The following SOX30 variants were observed in gnomAD, a reference collection of about 807,000 sequenced individuals.
The protein encoded by SOX30 is SRY-box transcription factor 30.
SOX30 carries 17 observed loss-of-function variants against 58.6 expected under a neutral mutation model. The ratio of observed to expected loss-of-function variants is 0.29; its 90% CI spans 0.20 to 0.44. The LOEUF (loss-of-function observed/expected upper bound fraction) is 0.44. Ranked by LOEUF, SOX30 falls within the 20% of genes least tolerant of loss-of-function variation. The probability of loss-of-function intolerance (pLI) is 1.00; values close to 1 mark genes in which losing one functional copy is unlikely to be tolerated. For synonymous variants in SOX30, 421 were observed against 400.2 expected (o/e 1.05, Z -0.62); for missense variants, 951 against 965.8 (o/e 0.98, Z 0.20).
At chr5:157,642,576 A>G (rs750505221) in intron 3 of SOX30, among the ~76,000 whole-genome samples, 9 of 152,152 alleles carry the variant, frequency 5.9e-5, no homozygotes, top group Admixed American at 1.3e-4. Flanking sequence ...TTTACATGAC[A>G]ATGCTAAAAA....
intron 2 of SOX30, among the ~76,000 whole-genome samples, chr5:157,659,704 A>C (rs1210216290): frequency 6.6e-6 from 1 of 152,216 alleles, no homozygotes; most frequent in Non-Finnish European, 1.5e-5. Context: ...GTCAGGCTAC[A>C]GCTTGCTTTT....
chr5:157,639,594 G>A (rs1397516944), intron 3 of SOX30, among the ~76,000 whole-genome samples: 2 of 152,170 alleles, frequency 1.3e-5, no homozygotes, highest in Non-Finnish European at 2.9e-5. Context: ...AACAATTAAT[G>A]TGTTTTAGCT....
intron 2 of SOX30, chr5:157,667,741 A>AATAC (rs761769781): frequency 8.8e-5 from 132 of 1,495,670 alleles, no homozygotes; most frequent in East Asian, 4.0e-4. Flanking sequence ...TCCATCTCAG[A>AATAC]ATACATACAT....
intron 3 of SOX30, among the ~76,000 whole-genome samples, chr5:157,639,204 G>T (rs1245542049): frequency 6.6e-6 from 1 of 152,210 alleles, no homozygotes; most frequent in South Asian, 2.1e-4. Context: ...TCTAAGAGAG[G>T]GGACAGGGCA....
chr5:157,648,691 T>C lies in SOX30; in HGVS notation c.1173A>G (p.Gln391=). The part of the protein sequence containing the change: ...EQKKPYYDEA[Q]KIKEKHREEF... ...CCTCTCTGTGCTTTTCCTTAATCTT[T>C]TGTGCTTCATCGTAATAGGGTTTCT... The change falls in exon 2 of 5, where the codon CAA becomes CAG. Residue 391 remains glutamine (Q), a synonymous_variant. Coordinates refer to ENST00000265007, the MANE Select transcript of SOX30 (RefSeq NM_178424.2). The C allele has an allele frequency of 6.2e-7, 1 of 1,613,910 alleles. No individual in the cohort carries two copies. The highest frequency in any genetic ancestry group is 8.5e-7 in the Non-Finnish European group (1 of 1,179,952).
In SOX30 at chr5:157,626,701, G is replaced by C; in HGVS notation, c.1901C>G (p.Pro634Arg). The change falls in exon 5 of 5, where the codon CCT (proline) becomes CGT (arginine). Residue 634 changes from proline (P) to arginine (R), a missense_variant. Transcript: ENST00000265007. ...CGGAAAATTTCCATAGCCAAAGGGA[G>C]GCCGACTGTAAGGGCATGTACTGCA... ...FPSSTCPYSR[P>R]PFGYGNFPSS... 6.2e-7 allele frequency: 1 copy of C among 1,609,712 alleles called. No individual in the cohort carries two copies. The highest frequency in any genetic ancestry group is 8.5e-7 in the Non-Finnish European group (1 of 1,178,256).
chr5:157,646,761 G>T lies in SOX30; in HGVS notation c.1263C>A (p.Ser421=). Residue 421 remains serine, a synonymous_variant, in exon 3 of 5, where the codon TCC becomes TCA. Coordinates refer to ENST00000265007, the MANE Select transcript of SOX30 (RefSeq NM_178424.2). ...TCTGTGTGGTACCAGAAAATACATT[G>T]GAAACACTTAGAGGGAATCGTTTTC... ...GKRKRFPLSV[S]NVFSGTTQNI... 1 of 1,613,928 alleles carries T rather than the reference G, an allele frequency of 6.2e-7. No homozygotes were observed. Among genetic ancestry groups the T allele is most frequent in the Non-Finnish European group, 8.5e-7 (1 of 1,179,894 alleles).
chr5:157,667,844 C>T, exon 2 of SOX30: 1 of 1,535,620 alleles, frequency 6.5e-7, no homozygotes, highest in Non-Finnish European at 8.7e-7. Context: ...TACAACATTT[C>T]TCCATGACCT....
chr5:157,631,711 G>A (rs1222310687), intron 4 of SOX30, among the ~76,000 whole-genome samples: 2 of 149,744 alleles, frequency 1.3e-5, no homozygotes, highest in African/African-American at 5.0e-5. Flanking sequence ...GTTGCAGTGA[G>A]CCAAGATCGT....
At position 157,648,881 on chromosome 5, in the gene SOX30, G is replaced by A. The variant is rs780316795; in HGVS notation, c.983C>T (p.Pro328Leu). The A allele has an allele frequency of 6.2e-7, 1 of 1,607,878 alleles. No individual in the cohort carries two copies. The highest frequency in any genetic ancestry group is 2.2e-5 in the East Asian group (1 of 44,758). Residue 328 changes from proline to leucine, a missense_variant, in exon 2 of 5, where the codon CCC (proline) becomes CTC (leucine). Around this residue, in one of 7 missense-constraint regions of SOX30, gnomAD observed 60 missense variants for 74.0 expected, o/e 0.81. Transcript: ENST00000265007. ...ATGACCATTTCTGTCCTTACTGAAG[G>A]GAGTATCTGGTATGCCTACATGACA... Reference protein sequence around the residue: ...LPSDAGIPDTPFSKDRNGHVK... With the variant: ...LPSDAGIPDTLFSKDRNGHVK...
chr5:157,626,380 C>G lies in SOX30; in HGVS notation c.2222G>C (p.Ser741Thr), dbSNP rs1561576593. ...SSIQQVNVTDSDEEEEEKVLR... is the reference protein window; with the variant it reads ...SSIQQVNVTDTDEEEEEKVLR... Reference sequence around the variant, plus strand: ...CACTTTTTCTTCTTCCTCCTCATCACTGTCGGTGACATTGACTTGCTGGAT... The same window carrying G: ...CACTTTTTCTTCTTCCTCCTCATCAGTGTCGGTGACATTGACTTGCTGGAT... Residue 741 changes from serine to threonine, a missense_variant, in exon 5 of 5, where the codon AGT becomes ACT. Ser to Thr is a moderately conservative substitution (Grantham distance 58, BLOSUM62 1). Around this residue, in one of 7 missense-constraint regions of SOX30, gnomAD observed 381 missense variants for 390.0 expected, o/e 0.98. Transcript: ENST00000265007. The G allele has an allele frequency of 6.2e-7, 1 of 1,613,718 alleles. No homozygotes were observed. The highest frequency in any genetic ancestry group is 1.3e-5 in the African/African-American group (1 of 75,014).
chr5:157,630,934 A>G (rs1226319736), intron 4 of SOX30, among the ~76,000 whole-genome samples: 1 of 135,206 alleles, frequency 7.4e-6, no homozygotes, highest in Non-Finnish European at 1.5e-5. Context: ...TATATATTAT[A>G]TATATATACT....
At chr5:157,627,078 CAG>C (rs1183628313) in intron 4 of SOX30, among the ~76,000 whole-genome samples, 9 of 152,158 alleles carry the variant, frequency 5.9e-5, no homozygotes, top group Admixed American at 2.0e-4. Flanking sequence ...AATTGACACT[CAG>C]TGGTTGGGCG....
intron 2 of SOX30, among the ~76,000 whole-genome samples, chr5:157,666,533 G>T (rs1006546647): frequency 6.9e-6 from 1 of 144,794 alleles, no homozygotes; most frequent in Non-Finnish European, 1.5e-5. Context: ...ACACACCTCA[G>T]TTCAAATGAA....
At chr5:157,635,559 G>C (rs1002657254) in intron 4 of SOX30, among the ~76,000 whole-genome samples, 2 of 152,238 alleles carry the variant, frequency 1.3e-5, no homozygotes, top group South Asian at 4.1e-4. Context: ...GGAAGGCAGA[G>C]GTTGCAGTGA....
At chr5:157,668,476 T>TCATC (rs1305682342) in intron 1 of SOX30, among the ~76,000 whole-genome samples, 1 of 152,018 alleles carries the variant, frequency 6.6e-6, no homozygotes, top group African/African-American at 2.4e-5. Flanking sequence ...CATATCTGTC[T>TCATC]CATCCATCCA....
upstream of SOX30, among the ~76,000 whole-genome samples, chr5:157,655,214 C>A (rs1401713625): frequency 6.6e-6 from 1 of 152,142 alleles, no homozygotes; most frequent in African/African-American, 2.4e-5. Context: ...CAAAGGCTAA[C>A]TTTGGGTAAG....
At chr5:157,638,764 C>A in intron 3 of SOX30, 42 bp from the exon 4 acceptor site, 1 of 1,534,858 alleles carries the variant, frequency 6.5e-7, no homozygotes, top group South Asian at 1.3e-5. Context: ...TTAACTGAGT[C>A]ATTCCATGTT....
chr5:157,640,728 A>G lies in SOX30; in HGVS notation c.1388-2006T>C, dbSNP rs181116488. Among the ~76,000 whole-genome samples the G allele has an allele frequency of 3.3e-5, 5 of 152,310 alleles. No individual in the cohort carries two copies. The East Asian group carries it at 9.6e-4, about 29-fold the overall frequency. ...TAGAATGACGATCCTAACCCCTAGG[A>G]TTGTAATATTAAAATCTCTAGGATT... On this transcript the variant is annotated intron_variant, in intron 3 of 4. Coordinates refer to ENST00000265007, the MANE Select transcript of SOX30 (RefSeq NM_178424.2).
Sources: gnomAD v4.1 joint callset for allele counts (sites outside exome capture counted in the v4.1 genomes callset) on GRCh38, gnomAD v4.1.1 for gene constraint, gnomAD v4.1.1 regional missense constraint, MANE v1.5 for transcripts, NCBI Gene and HGNC (gene_info 2026-07-23, HGNC 2026-07-21) for gene names.